Variants in SGCD observed in about 807,000 individuals in gnomAD.
The protein encoded by SGCD is delta-sarcoglycan.
SGCD carries 18 observed loss-of-function variants against 36.6 expected under a neutral mutation model. The ratio of observed to expected loss-of-function variants is 0.49; its 90% CI spans 0.34 to 0.73. The LOEUF (loss-of-function observed/expected upper bound fraction) is 0.73, where lower values mean the gene tolerates loss of function less well. Among genes scored for constraint, SGCD ranks in the 30% least tolerant of loss-of-function variants. The probability of loss-of-function intolerance (pLI) is 0.01; values close to 1 mark genes in which losing one functional copy is unlikely to be tolerated. For missense variants in SGCD, 387 were observed against 346.7 expected (o/e 1.12, Z -0.92); for synonymous variants, 133 against 130.6 (o/e 1.02, Z -0.12).
chr5:156,524,368 C>T (rs1757562369), intron 4 of SGCD, among the ~76,000 whole-genome samples: 1 of 146,922 alleles, frequency 6.8e-6, no homozygotes, highest in East Asian at 2.0e-4. Flanking sequence ...TCCTCTTTAC[C>T]ATTCCTTACT....
intron 1 of SGCD, among the ~76,000 whole-genome samples, chr5:156,107,929 GT>G (rs1761688996): frequency 6.6e-6 from 1 of 152,124 alleles, no homozygotes; most frequent in South Asian, 2.1e-4. Flanking sequence ...AATGAACACA[GT>G]TGCCTCTTGG....
intron 1 of SGCD, among the ~76,000 whole-genome samples, chr5:155,904,952 C>T (rs1756470567): frequency 6.6e-6 from 1 of 152,162 alleles, no homozygotes; most frequent in South Asian, 2.1e-4. Context: ...GTCTCCGTTT[C>T]TTCTTCTATA....
At chr5:156,528,289 G>A (rs1301388122) in intron 4 of SGCD, among the ~76,000 whole-genome samples, 3 of 152,122 alleles carry the variant, frequency 2.0e-5, no homozygotes, top group Non-Finnish European at 2.9e-5. Flanking sequence ...ATTATTATGG[G>A]ATTATAAGAG....
At chr5:156,136,088 A>T (rs1241703757) in intron 3 of SGCD, among the ~76,000 whole-genome samples, 1 of 152,002 alleles carries the variant, frequency 6.6e-6, no homozygotes, top group Non-Finnish European at 1.5e-5. Context: ...CTTCCAATAC[A>T]TTACCTTCAA....
chr5:156,489,899 A>G (rs2127848132), intron 3 of SGCD, among the ~76,000 whole-genome samples: 1 of 152,118 alleles, frequency 6.6e-6, no homozygotes, highest in African/African-American at 2.4e-5. Context: ...AATAGAAACT[A>G]AGAAAAAATA....
intron 2 of SGCD, among the ~76,000 whole-genome samples, chr5:156,337,804 A>C (rs1226584061): frequency 2.0e-5 from 3 of 152,152 alleles, no homozygotes; most frequent in Admixed American, 1.3e-4. Context: ...GGACCTACTG[A>C]CATATATAGT....
At chr5:155,848,437 G>C in the SGCD span, among the ~76,000 whole-genome samples, 2 of 152,098 alleles carry the variant, frequency 1.3e-5, no homozygotes, top group African/African-American at 4.8e-5. Flanking sequence ...AAAAAGCATT[G>C]GTTATGATAT....
intron 1 of SGCD, among the ~76,000 whole-genome samples, chr5:156,113,460 T>A (rs905655061): frequency 2.3e-4 from 35 of 152,288 alleles, no homozygotes; most frequent in African/African-American, 8.2e-4. Context: ...GTTGAGTGGC[T>A]TTTGAGGTAC....
At chr5:155,750,776 T>C in the SGCD span, among the ~76,000 whole-genome samples, 826 of 152,336 alleles carry the variant, frequency 5.4e-3, 11 homozygotes, top group African/African-American at 0.019. Context: ...CAAAGTTACT[T>C]GGGAGTCCTC....
rs77176318 is a variant in SGCD at position 156,638,829 on chromosome 5, C to T, written c.503-8635C>T. Among the ~76,000 whole-genome samples the T allele has an allele frequency of 2.7e-3, 406 of 152,004 alleles. 2 individuals carry two copies. Among genetic ancestry groups the T allele is most frequent in the African/African-American group, 9.3e-3 (384 of 41,504 alleles). Reference sequence around the variant, plus strand: ...CATATCTTGCCAGGATGTTTTTATACGTGAATCTTAAATTGCCCTGCAGTT... The same window carrying T: ...CATATCTTGCCAGGATGTTTTTATATGTGAATCTTAAATTGCCCTGCAGTT... On this transcript the variant is annotated intron_variant, in intron 6 of 8. Transcript: ENST00000337851.
intron 3 of SGCD, among the ~76,000 whole-genome samples, chr5:156,470,408 A>G (rs1043200858): frequency 1.7e-4 from 26 of 152,060 alleles, no homozygotes; most frequent in African/African-American, 6.0e-4. Context: ...TTAGTTACAT[A>G]TGTATACATG....
At chr5:155,734,131 A>G in the SGCD span, among the ~76,000 whole-genome samples, 1 of 147,430 alleles carries the variant, frequency 6.8e-6, no homozygotes, top group Admixed American at 6.8e-5. Flanking sequence ...TGTTACTGAT[A>G]TTAATTATAT....
At chr5:156,413,248 A>G (rs1169085453) in intron 3 of SGCD, among the ~76,000 whole-genome samples, 1 of 152,226 alleles carries the variant, frequency 6.6e-6, no homozygotes, top group African/African-American at 2.4e-5. Context: ...GGAAGGCCCT[A>G]TTTGGATCAA....
At chr5:156,169,099 C>T (rs1019333263) in intron 3 of SGCD, among the ~76,000 whole-genome samples, 1 of 152,248 alleles carries the variant, frequency 6.6e-6, no homozygotes, top group African/African-American at 2.4e-5. Flanking sequence ...CCCACTTTCT[C>T]ACTGTCAAAA....
intron 1 of SGCD, among the ~76,000 whole-genome samples, chr5:156,019,703 T>C (rs1759057422): frequency 6.6e-6 from 1 of 152,162 alleles, no homozygotes; most frequent in South Asian, 2.1e-4. Flanking sequence ...ACTGGAGAAC[T>C]TGTGGTAGCA....
chr5:156,669,103 A>G (rs1462442650), intron 7 of SGCD, among the ~76,000 whole-genome samples: 1 of 152,072 alleles, frequency 6.6e-6, no homozygotes, highest in African/African-American at 2.4e-5. Flanking sequence ...GCCTCTAGAG[A>G]GACATCCTGC....
the SGCD span, among the ~76,000 whole-genome samples, chr5:155,736,490 A>G: frequency 6.6e-6 from 1 of 151,920 alleles, no homozygotes; most frequent in South Asian, 2.1e-4. Flanking sequence ...TCCCTTTCCT[A>G]TCTCATAGGT....
chr5:156,560,313 C>A lies in SGCD; in HGVS notation c.295-28918C>A, dbSNP rs77739182. On this transcript the variant is annotated intron_variant, in intron 4 of 8. Transcript: ENST00000337851. ...TCTCAGCTGCAGAGCAGTAACAAAG[C>A]CCCTTGAAAGCAGAAAAGCCCTTAC... is the stretch of plus-strand genomic sequence containing the variant. Among the ~76,000 whole-genome samples the A allele has an allele frequency of 8.7e-3, 1,325 of 152,230 alleles. 8 individuals carry two copies. Among genetic ancestry groups the A allele is most frequent in the African/African-American group, 0.03 (1,253 of 41,538 alleles).
chr5:156,372,638 A>G (rs781346798), intron 3 of SGCD, among the ~76,000 whole-genome samples: 5 of 152,168 alleles, frequency 3.3e-5, no homozygotes, highest in African/African-American at 7.2e-5. Context: ...CCTTGAAGGC[A>G]GGGCTAGCAA....
Sources: gnomAD v4.1 joint callset for allele counts (sites outside exome capture counted in the v4.1 genomes callset) on GRCh38, gnomAD v4.1.1 for gene constraint, MANE v1.5 for transcripts, NCBI Gene and HGNC (gene_info 2026-07-23, HGNC 2026-07-21) for gene names.